The following GAN variants were observed in gnomAD, a reference collection of about 807,000 sequenced individuals.
GAN encodes epididymis secretory sperm binding protein.
GAN carries 48 observed loss-of-function variants against 71.3 expected under a neutral mutation model. That is an observed-to-expected ratio of 0.67 (90% CI 0.53 to 0.86). GAN has a LOEUF of 0.86. Among genes scored for constraint, GAN ranks in the 40% least tolerant of loss-of-function variants. GAN has a pLI of 0.00. For synonymous variants in GAN, 386 were observed against 276.8 expected, an observed-to-expected ratio of 1.39 and a Z score of -3.92; for missense variants, 928 against 770.1, an observed-to-expected ratio of 1.21 and a Z score of -2.43.
At chr16:81,369,140 G>A (rs1356172047) in intron 9 of GAN, among the ~76,000 whole-genome samples, 1 of 152,114 alleles carries the variant, frequency 6.6e-6, no homozygotes, top group Non-Finnish European at 1.5e-5. Context: ...GTTCTTTGAA[G>A]TTGAGATCTG....
At chr16:81,342,446 G>A (rs1041339192) in intron 1 of GAN, among the ~76,000 whole-genome samples, 10 of 152,184 alleles carry the variant, frequency 6.6e-5, no homozygotes, top group Non-Finnish European at 1.3e-4. Flanking sequence ...AGACCACAGT[G>A]CAATCAAATT....
chr16:81,330,924 C>T (rs1277744763), intron 1 of GAN, among the ~76,000 whole-genome samples: 1 of 152,200 alleles, frequency 6.6e-6, no homozygotes, highest in East Asian at 1.9e-4. Context: ...AGAAATTAAA[C>T]AGGCAGGCAT....
rs1904301389 is a variant in GAN, at chr16:81,380,857, T to C, written c.*3261T>C. 1 of 152,234 alleles carries C rather than the reference T, an allele frequency of 6.6e-6. No homozygotes were observed. Among genetic ancestry groups the C allele is most frequent in the South Asian group, 2.1e-4 (1 of 4,834 alleles). The allele number at this position is 152,234 out of a possible 1,614,324, so 9.4% of individuals were successfully genotyped here. The stretch of plus-strand genomic sequence containing the variant: ...ACTGTCAGGATTTGGCCTAAGAAAT[T>C]TCTGAATGCATTGTTTAGCTTAGTA... On this transcript the variant is annotated 3_prime_UTR_variant, in exon 11 of 11. Transcript: ENST00000648994.
intron 1 of GAN, among the ~76,000 whole-genome samples, chr16:81,330,820 A>G (rs974792898): frequency 6.6e-6 from 1 of 152,260 alleles, no homozygotes; most frequent in Non-Finnish European, 1.5e-5. Flanking sequence ...CAAGGTCAGC[A>G]TCATTAGAAC....
At chr16:81,359,536 C>T (rs1249924129) in intron 5 of GAN, among the ~76,000 whole-genome samples, 1 of 151,378 alleles carries the variant, frequency 6.6e-6, no homozygotes, top group Admixed American at 6.6e-5. Context: ...TTAGAAATTA[C>T]AGCCTGTATT....
At chr16:81,372,034 C>T (rs1276584702) in intron 9 of GAN, 7 of 152,250 alleles carry the variant, frequency 4.6e-5, no homozygotes, top group Non-Finnish European at 1.0e-4. Flanking sequence ...CTCCTTTCTC[C>T]TCAATTGATT....
chr16:81,376,095 G>T (rs965003002), intron 9 of GAN, among the ~76,000 whole-genome samples: 2 of 151,948 alleles, frequency 1.3e-5, no homozygotes, highest in African/African-American at 4.8e-5. Flanking sequence ...ATAATACTCA[G>T]ATCTCACAGT....
intron 5 of GAN, among the ~76,000 whole-genome samples, chr16:81,362,038 G>T (rs941805186): frequency 6.6e-6 from 1 of 152,096 alleles, no homozygotes; most frequent in African/African-American, 2.4e-5. Context: ...AACCTAATAC[G>T]CCATTACATG....
intron 1 of GAN, among the ~76,000 whole-genome samples, chr16:81,341,394 C>T (rs897875062): frequency 2.0e-5 from 3 of 152,188 alleles, no homozygotes; most frequent in Non-Finnish European, 2.9e-5. Context: ...AGAGAAAGGT[C>T]GGGTTACCCA....
At chr16:81,323,475 C>T (rs1909283664) in intron 1 of GAN, among the ~76,000 whole-genome samples, 1 of 152,094 alleles carries the variant, frequency 6.6e-6, no homozygotes, top group Non-Finnish European at 1.5e-5. Context: ...CTTGGGACAT[C>T]CTTAAGAAAT....
At chr16:81,336,401 C>T (rs1429209512) in intron 1 of GAN, among the ~76,000 whole-genome samples, 1 of 152,194 alleles carries the variant, frequency 6.6e-6, no homozygotes, top group African/African-American at 2.4e-5. Flanking sequence ...GAAACATTAA[C>T]TGCAAATTGA....
chr16:81,329,707 C>G (rs1365117192), intron 1 of GAN, among the ~76,000 whole-genome samples: 1 of 152,166 alleles, frequency 6.6e-6, no homozygotes, highest in African/African-American at 2.4e-5. Context: ...TCTGTGGCAC[C>G]TCTTGTCCCA....
intron 2 of GAN, among the ~76,000 whole-genome samples, chr16:81,353,751 A>C (rs183845622): frequency 6.6e-6 from 1 of 152,310 alleles, no homozygotes; most frequent in Admixed American, 6.5e-5. Flanking sequence ...ATTAGTCAGA[A>C]AATTGAAGAA....
At chr16:81,321,585 T>G (rs1383363820) in intron 1 of GAN, among the ~76,000 whole-genome samples, 2 of 152,220 alleles carry the variant, frequency 1.3e-5, no homozygotes, top group Non-Finnish European at 2.9e-5. Context: ...TTTAAAGTGT[T>G]AATGAGTTCT....
chr16:81,321,944 G>T (rs11150382), intron 1 of GAN, among the ~76,000 whole-genome samples: 87,644 of 151,964 alleles, frequency 0.58, 27,523 homozygotes, highest in Middle Eastern at 0.75. Flanking sequence ...AGGTAAAGGT[G>T]GCAGCTCTGG....
At chr16:81,345,249 G>A (rs574989036) in intron 1 of GAN, among the ~76,000 whole-genome samples, 115 of 152,246 alleles carry the variant, frequency 7.6e-4, no homozygotes, top group Non-Finnish European at 1.1e-3. Context: ...TCCCATTACT[G>A]GGCGTATACC....
At chr16:81,368,839 A>C (rs903326707) in intron 9 of GAN, among the ~76,000 whole-genome samples, 2 of 152,200 alleles carry the variant, frequency 1.3e-5, no homozygotes, top group Non-Finnish European at 2.9e-5. Flanking sequence ...AAAATCAGCC[A>C]GGCATAGTGG....
At chr16:81,356,070 C>G (rs550074609) in intron 3 of GAN, among the ~76,000 whole-genome samples, 2 of 152,278 alleles carry the variant, frequency 1.3e-5, no homozygotes, top group South Asian at 4.1e-4. Context: ...TGCCTTAAAG[C>G]AAGGGAGATG....
chr16:81,315,049 C>T lies in GAN; in HGVS notation c.-65C>T, dbSNP rs577122104. On this transcript the variant is annotated 5_prime_UTR_variant, in exon 1 of 11. Transcript: ENST00000648994. ...GCGGGCGCGCGCGCAGGACTCGGGC[C>T]GCTCGAGGGGTCCGGCCGGACGGTG... 2.0e-5 allele frequency: 27 copies of T among 1,320,584 alleles called. No individual in the cohort carries two copies. The Admixed American group carries it at 3.9e-4, about 19-fold the overall frequency. The allele number at this position is 1,320,584 out of a possible 1,614,324, so 81.8% of individuals were successfully genotyped here.
Sources: allele counts gnomAD v4.1 joint callset (sites outside exome capture counted in the v4.1 genomes callset), GRCh38; gene constraint gnomAD v4.1.1; transcripts MANE v1.5; gene names NCBI Gene and HGNC (gene_info 2026-07-23, HGNC 2026-07-21).